The following SNX29 variants were observed in gnomAD, a reference collection of about 807,000 sequenced individuals.
The protein encoded by SNX29 is sorting nexin-29.
A neutral mutation model predicts 102.1 loss-of-function variants in SNX29; 78 were observed. The observed-to-expected ratio is 0.76, with a 90% CI of 0.64 to 0.92. SNX29 has a LOEUF of 0.92. Ranked by LOEUF, SNX29 falls within the 40% of genes least tolerant of loss-of-function variation. The probability of loss-of-function intolerance (pLI) is 0.00; values close to 1 mark genes in which losing one functional copy is unlikely to be tolerated. For missense variants in SNX29, 1,280 were observed against 1,061.7 expected (o/e 1.21, Z -2.86); for synonymous variants, 580 against 414.5 (o/e 1.40, Z -4.85).
At chr16:12,206,199 A>G (rs911955675) in intron 14 of SNX29, among the ~76,000 whole-genome samples, 4 of 152,158 alleles carry the variant, frequency 2.6e-5, no homozygotes, top group African/African-American at 4.8e-5. Context: ...GAGTCATACA[A>G]TCTGATTTAA....
At position 12,433,652 on chromosome 16, in the gene SNX29, G is replaced by GAAAAAAAA. The variant is rs1287353973; in HGVS notation, c.2037+30126_2037+30127insAAAAAAAA. ...TCTCAAAAAAAAAAAAAAAAAAAAG[G>GAAAAAAAA]AAACTTAGCTGGGCGTGGTGGGCGT... is the stretch of plus-strand genomic sequence containing the variant. On this transcript the variant is annotated intron_variant, in intron 18 of 20. Transcript: ENST00000566228. Among the ~76,000 whole-genome samples the GAAAAAAAA allele has an allele frequency of 2.7e-4, 10 of 37,036 alleles. 1 individual carries two copies. The East Asian group carries it at 3.4e-3, about 13-fold the overall frequency. 24.3% of individuals were successfully genotyped at this position (37,036 alleles called of 152,430 possible).
chr16:12,236,247 C>T (rs547927663), intron 14 of SNX29, among the ~76,000 whole-genome samples: 80 of 152,254 alleles, frequency 5.3e-4, no homozygotes, highest in Middle Eastern at 3.4e-3. Context: ...GAAGGGAATG[C>T]GGTCACTGTT....
chr16:12,362,954 C>T (rs2082350118), intron 16 of SNX29, among the ~76,000 whole-genome samples: 1 of 152,210 alleles, frequency 6.6e-6, no homozygotes, highest in Non-Finnish European at 1.5e-5. Flanking sequence ...ATGAATGTCA[C>T]CAGTGGGCCC....
At position 12,572,383 on chromosome 16, in the gene SNX29, T is replaced by A; in HGVS notation, c.*3754T>A. On this transcript the variant is annotated 3_prime_UTR_variant, in exon 21 of 21. Transcript: ENST00000566228. ...GGCTCTGCCTTCTGGAGGCGGCTTA[T>A]ATCCCAACAGCCTGAGGCAGGGCTC... is the stretch of plus-strand genomic sequence containing the variant. The A allele has an allele frequency of 9.4e-7, 1 of 1,062,968 alleles. No individual in the cohort carries two copies. The allele number at this position is 1,062,968 out of a possible 1,614,324, so 65.8% of individuals were successfully genotyped here. A position where few individuals can be genotyped will look rare whatever the true frequency, so the allele number is the denominator to read the frequency against.
chr16:12,542,106 G>A (rs1274218446), intron 20 of SNX29, among the ~76,000 whole-genome samples: 3 of 152,012 alleles, frequency 2.0e-5, no homozygotes, highest in Admixed American at 6.6e-5. Context: ...CTTCCCAACG[G>A]ATCCCTAAAT....
chr16:12,339,269 G>A (rs1347101508), intron 15 of SNX29, among the ~76,000 whole-genome samples: 1 of 150,212 alleles, frequency 6.7e-6, no homozygotes, highest in Non-Finnish European at 1.5e-5. Context: ...TACTTGTGTG[G>A]CTGAGGCAGA....
At chr16:12,123,508 C>T (rs2054069783) in intron 11 of SNX29, among the ~76,000 whole-genome samples, 1 of 152,072 alleles carries the variant, frequency 6.6e-6, no homozygotes, top group African/African-American at 2.4e-5. Context: ...TATACATATA[C>T]ATCATATACA....
Position 12,069,836 on chromosome 16 carries a change from G to T in SNX29, c.1319+704G>T, listed in dbSNP as rs573364449. 6.9e-3 allele frequency among the ~76,000 whole-genome samples: 1,052 copies of T among 152,020 alleles called. 12 individuals are homozygous for T. The highest frequency in any genetic ancestry group is 0.024 in the African/African-American group (998 of 41,492). The stretch of plus-strand genomic sequence containing the variant: ...CTCCTGAGTAGCTGGGACTACAGGC[G>T]CCCGCCACTGCGCCCGGCTAACTTT... On this transcript the variant is annotated intron_variant, in intron 10 of 20. Transcript: ENST00000566228.
intron 14 of SNX29, among the ~76,000 whole-genome samples, chr16:12,219,825 G>C (rs1464584398): frequency 6.6e-6 from 1 of 152,148 alleles, no homozygotes; most frequent in Non-Finnish European, 1.5e-5. Flanking sequence ...CATACCTCTT[G>C]GCCAAGCCAC....
intron 1 of SNX29, among the ~76,000 whole-genome samples, chr16:11,993,880 G>A (rs2055953366): frequency 6.6e-6 from 1 of 152,182 alleles, no homozygotes; most frequent in Non-Finnish European, 1.5e-5. Context: ...CAACACTTTG[G>A]AAGGCCAAGG....
chr16:12,309,349 C>T (rs751504803), intron 15 of SNX29, among the ~76,000 whole-genome samples: 5 of 152,164 alleles, frequency 3.3e-5, no homozygotes, highest in East Asian at 3.8e-4. Context: ...CTAAAACCTG[C>T]GAGGGCTCAC....
chr16:11,988,183 A>C (rs1358202661), intron 1 of SNX29, among the ~76,000 whole-genome samples: 1 of 151,712 alleles, frequency 6.6e-6, no homozygotes, highest in Non-Finnish European at 1.5e-5. Context: ...AATCCCAGCT[A>C]CTCAGGAGGC....
intron 1 of SNX29, among the ~76,000 whole-genome samples, chr16:11,989,714 T>C (rs763376230): frequency 3.9e-5 from 6 of 152,204 alleles, no homozygotes; most frequent in Non-Finnish European, 5.9e-5. Flanking sequence ...GTGAGGCTTC[T>C]GTCTATGTCC....
At chr16:12,133,179 C>T (rs913152971) in intron 13 of SNX29, among the ~76,000 whole-genome samples, 1 of 151,668 alleles carries the variant, frequency 6.6e-6, no homozygotes, top group Non-Finnish European at 1.5e-5. Flanking sequence ...GGTCCAGGTG[C>T]CTGCCTTGTA....
At chr16:12,162,738 G>T (rs980303356) in intron 13 of SNX29, among the ~76,000 whole-genome samples, 3 of 152,186 alleles carry the variant, frequency 2.0e-5, no homozygotes, top group Non-Finnish European at 2.9e-5. Context: ...GCTTTGAACG[G>T]GGCCTGGCTC....
Position 12,491,726 on chromosome 16 carries a change from G to C in SNX29, c.2178+13867G>C, listed in dbSNP as rs573696788. On this transcript the variant is annotated intron_variant, in intron 19 of 20. Coordinates refer to ENST00000566228, the MANE Select transcript of SNX29 (RefSeq NM_032167.5). The stretch of plus-strand genomic sequence containing the variant: ...CCCGGTGTGTGATGTTCCCCTTCCT[G>C]TGTCCATGTGTTCTCATTGTTCAAT... Among the ~76,000 whole-genome samples, 100 of 150,650 alleles carry C rather than the reference G, an allele frequency of 6.6e-4. 2 individuals carry two copies. The highest frequency in any genetic ancestry group is 5.7e-4 in the Non-Finnish European group (39 of 67,838).
intron 11 of SNX29, among the ~76,000 whole-genome samples, chr16:12,097,687 T>G (rs1433538330): frequency 6.6e-6 from 1 of 152,218 alleles, no homozygotes; most frequent in East Asian, 1.9e-4. Flanking sequence ...AGGATCAACT[T>G]TTGGTCTGGA....
At chr16:11,984,652 C>T (rs1158508993) in intron 1 of SNX29, among the ~76,000 whole-genome samples, 1 of 152,016 alleles carries the variant, frequency 6.6e-6, no homozygotes, top group Non-Finnish European at 1.5e-5. Flanking sequence ...CCCTTCCTCC[C>T]TTTCCTCTCT....
chr16:12,248,852 C>T (rs1189156650), intron 14 of SNX29, among the ~76,000 whole-genome samples: 3 of 152,012 alleles, frequency 2.0e-5, no homozygotes, highest in Non-Finnish European at 2.9e-5. Context: ...GTCTGACTCC[C>T]CCAGTAGAAT....
Sources: gnomAD v4.1 joint callset for allele counts (sites outside exome capture counted in the v4.1 genomes callset) on GRCh38, gnomAD v4.1.1 for gene constraint, MANE v1.5 for transcripts, NCBI Gene and HGNC (gene_info 2026-07-23, HGNC 2026-07-21) for gene names.